The following NTNG1 variants were observed in gnomAD, a reference collection of about 807,000 sequenced individuals.
The protein encoded by NTNG1 is netrin G1.
NTNG1 carries 16 observed loss-of-function variants against 54.0 expected under a neutral mutation model. That is an observed-to-expected ratio of 0.30 (90% CI 0.20 to 0.45). The LOEUF is 0.45. Ranked by LOEUF, NTNG1 falls within the 20% of genes least tolerant of loss-of-function variation. The pLI is 1.00. For synonymous variants in NTNG1, 255 were observed against 263.1 expected (o/e 0.97, Z 0.30); for missense variants, 530 against 678.7 (o/e 0.78, Z 2.43).
At chr1:107,194,293 C>A (rs1322175126) in intron 2 of NTNG1, among the ~76,000 whole-genome samples, 5 of 151,970 alleles carry the variant, frequency 3.3e-5, no homozygotes, top group Admixed American at 3.3e-4. Context: ...GCAGGGAAGT[C>A]TCTGGTTTTA....
intron 7 of NTNG1, among the ~76,000 whole-genome samples, chr1:107,451,790 A>G (rs1016927290): frequency 6.6e-6 from 1 of 152,182 alleles, no homozygotes; most frequent in African/African-American, 2.4e-5. Flanking sequence ...CATAGGTACC[A>G]TATAAGATAG....
At chr1:107,237,214 CAA>C (rs1399063170) in intron 2 of NTNG1, among the ~76,000 whole-genome samples, 1 of 152,098 alleles carries the variant, frequency 6.6e-6, no homozygotes, top group Non-Finnish European at 1.5e-5. Flanking sequence ...TATGTTTTAG[CAA>C]AGAGACTGGT....
intron 5 of NTNG1, among the ~76,000 whole-genome samples, chr1:107,412,633 T>C (rs913838365): frequency 6.6e-6 from 1 of 152,170 alleles, no homozygotes; most frequent in Non-Finnish European, 1.5e-5. Context: ...TGTAGAGTCC[T>C]GGAGAAAAAT....
chr1:107,333,804 C>T (rs1449824741), intron 3 of NTNG1: 2 of 149,518 alleles, frequency 1.3e-5, no homozygotes. Flanking sequence ...AGACTAACCT[C>T]AATGAAGAGT....
rs568990333 is a variant in NTNG1 at position 107,147,190 on chromosome 1, A to C, written c.-525-879A>C. Among the ~76,000 whole-genome samples, 88 of 152,258 alleles carry C rather than the reference A, an allele frequency of 5.8e-4. 1 individual carries two copies. The highest frequency in any genetic ancestry group is 2.0e-3 in the African/African-American group (85 of 41,570). ...ATCAGTTAATCAAAAGTACTTTTAC[A>C]CAGTAATTTTTATTTTCTCTTAGAA... On this transcript the variant is annotated intron_variant, in intron 1 of 7. Coordinates refer to ENST00000370068, the MANE Select transcript of NTNG1 (RefSeq NM_001113226.3).
intron 3 of NTNG1, among the ~76,000 whole-genome samples, chr1:107,390,829 A>G (rs1329111893): frequency 2.6e-5 from 4 of 152,224 alleles, no homozygotes; most frequent in Non-Finnish European, 5.9e-5. Flanking sequence ...GCTGCCTCCC[A>G]GGAACTTATC....
In NTNG1 at chr1:107,324,296, G is replaced by A. The variant is rs1380820016; in HGVS notation, c.261G>A (p.Met87Ile). The change falls in exon 3 of 8, where the codon ATG becomes ATA. Residue 87 changes from methionine (M) to isoleucine (I), a missense_variant. Coordinates refer to ENST00000370068, the MANE Select transcript of NTNG1 (RefSeq NM_001113226.3). ...TTCTTCCATAGGGCAATCCCTACATGTGCAATAATGAGTGTGATGCGAGTA... is the reference window on the plus strand; with the variant it reads ...TTCTTCCATAGGGCAATCCCTACATATGCAATAATGAGTGTGATGCGAGTA... ...ETFCAMGNPY[M>I]CNNECDASTP... The A allele has an allele frequency of 2.1e-5, 34 of 1,613,200 alleles. No homozygotes were observed. Among genetic ancestry groups the A allele is most frequent in the Non-Finnish European group, 2.7e-5 (32 of 1,179,580 alleles).
intron 3 of NTNG1, among the ~76,000 whole-genome samples, chr1:107,363,042 A>G (rs1054358743): frequency 3.9e-5 from 6 of 152,122 alleles, no homozygotes; most frequent in African/African-American, 1.4e-4. Flanking sequence ...ACATTTTTAT[A>G]TCTTGTCTAA....
chr1:107,220,078 T>A (rs1660238733), intron 2 of NTNG1, among the ~76,000 whole-genome samples: 1 of 152,136 alleles, frequency 6.6e-6, no homozygotes, highest in African/African-American at 2.4e-5. Context: ...GAGTGTGGTT[T>A]CCAGGCCAAT....
chr1:107,397,794 C>T (rs2101100517), intron 4 of NTNG1, among the ~76,000 whole-genome samples: 1 of 151,334 alleles, frequency 6.6e-6, no homozygotes, highest in East Asian at 2.0e-4. Flanking sequence ...TTATTTCTTC[C>T]CCAGATTAAC....
chr1:107,370,067 C>T (rs765147549), intron 3 of NTNG1, among the ~76,000 whole-genome samples: 1 of 151,546 alleles, frequency 6.6e-6, no homozygotes. Flanking sequence ...TGCTATATTC[C>T]GTTCTCCAAT....
At chr1:107,282,021 C>T (rs1399247260) in intron 2 of NTNG1, among the ~76,000 whole-genome samples, 1 of 152,118 alleles carries the variant, frequency 6.6e-6, no homozygotes, top group African/African-American at 2.4e-5. Context: ...GAATAAAGTG[C>T]TAGTTGAGTC....
chr1:107,151,937 G>A (rs1654596849), intron 2 of NTNG1, among the ~76,000 whole-genome samples: 1 of 151,732 alleles, frequency 6.6e-6, no homozygotes, highest in South Asian at 2.1e-4. Context: ...TTTTTCAGGA[G>A]CACACTGCCA....
At chr1:107,291,774 C>T (rs1405988957) in intron 2 of NTNG1, among the ~76,000 whole-genome samples, 1 of 152,132 alleles carries the variant, frequency 6.6e-6, no homozygotes, top group East Asian at 1.9e-4. Flanking sequence ...TAAATTCTAT[C>T]TAAAACCAAA....
chr1:107,163,010 A>G (rs1655524573), intron 2 of NTNG1, among the ~76,000 whole-genome samples: 1 of 152,214 alleles, frequency 6.6e-6, no homozygotes, highest in African/African-American at 2.4e-5. Context: ...GGAAGTTTAC[A>G]TTTAGACTGA....
At chr1:107,356,585 TGCCA>T (rs1669949466) in intron 3 of NTNG1, among the ~76,000 whole-genome samples, 1 of 151,814 alleles carries the variant, frequency 6.6e-6, no homozygotes, top group Admixed American at 6.6e-5. Context: ...TGAGCCACCA[TGCCA>T]GCCAGTCCTG....
chr1:107,296,170 T>G (rs1175999840), intron 2 of NTNG1, among the ~76,000 whole-genome samples: 2 of 152,174 alleles, frequency 1.3e-5, no homozygotes, highest in African/African-American at 4.8e-5. Flanking sequence ...GACTGTTACC[T>G]ATCAATCCTG....
chr1:107,250,729 C>A (rs979269021), intron 2 of NTNG1, among the ~76,000 whole-genome samples: 2 of 21,744 alleles, frequency 9.2e-5, no homozygotes, highest in African/African-American at 2.9e-4. Flanking sequence ...GTCGGCCCTG[C>A]GTCAACCAGT....
At chr1:107,239,184 T>G (rs548188483) in intron 2 of NTNG1, among the ~76,000 whole-genome samples, 2 of 152,142 alleles carry the variant, frequency 1.3e-5, no homozygotes, top group Non-Finnish European at 2.9e-5. Flanking sequence ...AAGTAACAGA[T>G]AAGAAGCTGA....
Sources: gnomAD v4.1 joint callset for allele counts (sites outside exome capture counted in the v4.1 genomes callset) on GRCh38, gnomAD v4.1.1 for gene constraint, MANE v1.5 for transcripts, NCBI Gene and HGNC (gene_info 2026-07-23, HGNC 2026-07-21) for gene names.